Variants in PXYLP1 observed in about 807,000 individuals in gnomAD.
PXYLP1 encodes the protein acid phosphatase-like 2.
A neutral mutation model predicts 37.9 loss-of-function variants in PXYLP1; 17 were observed. That is an observed-to-expected ratio of 0.45 (90% CI 0.31 to 0.67). The LOEUF (loss-of-function observed/expected upper bound fraction) is 0.67. PXYLP1 is among the 30% of genes least tolerant of loss of function. The probability of loss-of-function intolerance (pLI) is 0.07; values close to 1 mark genes in which losing one functional copy is unlikely to be tolerated. For missense variants in PXYLP1, 511 were observed against 612.0 expected, an observed-to-expected ratio of 0.84 and a Z score of 1.74; for synonymous variants, 221 against 232.2, an observed-to-expected ratio of 0.95 and a Z score of 0.44.
chr3:141,269,141 A>G (rs1171064034), intron 2 of PXYLP1, among the ~76,000 whole-genome samples: 1 of 152,188 alleles, frequency 6.6e-6, no homozygotes, highest in African/African-American at 2.4e-5. Context: ...TTGAGCCTTT[A>G]CACAGAAGGC....
At chr3:141,261,607 C>T (rs116814086) in intron 2 of PXYLP1, among the ~76,000 whole-genome samples, 3 of 152,254 alleles carry the variant, frequency 2.0e-5, no homozygotes, top group Non-Finnish European at 1.5e-5. Context: ...GTATTACAGG[C>T]GTGAGCCACC....
Position 141,273,259 on chromosome 3 carries a change from C to T in PXYLP1, c.80-5083C>T, listed in dbSNP as rs958190516. 3 of 985,336 alleles carry T rather than the reference C, an allele frequency of 3.0e-6. No individual in the cohort carries two copies. In the East Asian group the frequency reaches 3.4e-4, roughly 112 times the overall value. 61.0% of individuals were successfully genotyped at this position (985,336 alleles called of 1,614,324 possible). ...CATACATGTTGGATGGCCAGATGGACAAATGCATAAATACCGAGCTTAGTG... is the reference window on the plus strand; with the variant it reads ...CATACATGTTGGATGGCCAGATGGATAAATGCATAAATACCGAGCTTAGTG... On this transcript the variant is annotated intron_variant, in intron 2 of 5. Coordinates refer to ENST00000286353, the MANE Select transcript of PXYLP1 (RefSeq NM_001037172.3).
chr3:141,264,212 A>G (rs1443988255), intron 2 of PXYLP1, among the ~76,000 whole-genome samples: 3 of 152,184 alleles, frequency 2.0e-5, no homozygotes, highest in Non-Finnish European at 4.4e-5. Context: ...TGCAAAAATG[A>G]GAGTGAGGGT....
chr3:141,253,350 C>T (rs562727098), intron 1 of PXYLP1, among the ~76,000 whole-genome samples: 42 of 152,324 alleles, frequency 2.8e-4, no homozygotes, highest in African/African-American at 9.9e-4. Context: ...AGCTGGCTTT[C>T]CCTAGGCACA....
chr3:141,262,854 G>T, intron 2 of PXYLP1: 2 of 630,034 alleles, frequency 3.2e-6, no homozygotes, highest in Non-Finnish European at 5.4e-6. Flanking sequence ...CACAGGTTTC[G>T]CTTATATACC....
intron 1 of PXYLP1, among the ~76,000 whole-genome samples, chr3:141,254,351 A>AGTGCC (rs1222593825): frequency 1.3e-5 from 2 of 152,236 alleles, no homozygotes; most frequent in Non-Finnish European, 2.9e-5. Flanking sequence ...CACTTAGAAT[A>AGTGCC]GTGCCTGGCA....
intron 1 of PXYLP1, among the ~76,000 whole-genome samples, chr3:141,246,139 T>A (rs1312266935): frequency 6.6e-6 from 1 of 152,176 alleles, no homozygotes; most frequent in African/African-American, 2.4e-5. Flanking sequence ...GGGGGTAGGC[T>A]AGCAGTTAGA....
At chr3:141,238,228 A>G (rs1940705877) in intron 1 of PXYLP1, among the ~76,000 whole-genome samples, 1 of 152,230 alleles carries the variant, frequency 6.6e-6, no homozygotes, top group Non-Finnish European at 1.5e-5. Context: ...TGACCCAAAG[A>G]AACTATGTTG....
At chr3:141,288,509 G>A (rs573171857) in intron 5 of PXYLP1, among the ~76,000 whole-genome samples, 32 of 152,294 alleles carry the variant, frequency 2.1e-4, no homozygotes, top group African/African-American at 7.7e-4. Flanking sequence ...TTTAGAACGA[G>A]GGTTTTCATC....
chr3:141,260,641 C>T lies in PXYLP1; in HGVS notation c.79+387C>T, dbSNP rs368009107. Among the ~76,000 whole-genome samples, 26 of 152,254 alleles carry T rather than the reference C, an allele frequency of 1.7e-4. No homozygotes were observed. The East Asian group carries it at 2.1e-3, about 12-fold the overall frequency. On this transcript the variant is annotated intron_variant, in intron 2 of 5. Coordinates refer to ENST00000286353, the MANE Select transcript of PXYLP1 (RefSeq NM_001037172.3). ...GTCAGCCGCGGGGCTGGAGTTGTTT[C>T]GGGGAGGGTGGGGAGATTAGGTCAC...
intron 1 of PXYLP1, 71 bp from the exon 2 acceptor site, chr3:141,260,052 G>A (rs1475137533): frequency 9.3e-7 from 1 of 1,073,162 alleles, no homozygotes; most frequent in African/African-American, 1.6e-5. Context: ...TGACAAGTTT[G>A]GTTATTTTCA....
At chr3:141,288,299 A>G (rs1049924054) in intron 5 of PXYLP1, among the ~76,000 whole-genome samples, 10 of 152,232 alleles carry the variant, frequency 6.6e-5, no homozygotes, top group African/African-American at 2.4e-4. Flanking sequence ...TTCTGTCTTC[A>G]TCTTGCATCA....
chr3:141,276,932 G>A (rs1941808919), intron 2 of PXYLP1, among the ~76,000 whole-genome samples: 1 of 152,204 alleles, frequency 6.6e-6, no homozygotes, highest in Non-Finnish European at 1.5e-5. Context: ...GTATCACACT[G>A]TTGTTTTATC....
intron 2 of PXYLP1, chr3:141,274,665 A>G: frequency 1.4e-6 from 1 of 717,024 alleles, no homozygotes; most frequent in South Asian, 1.5e-5. Context: ...AGCGGGGGAT[A>G]TAAATGTGAA....
rs1942229401 is a variant in PXYLP1 at position 141,292,154 on chromosome 3, G to A, written c.506-114G>A. ...CTTCCACACCATGGGGAAACAGGCTGGATGCCATTCTCTTGCCCTAAAACA... is the reference window on the plus strand; with the variant it reads ...CTTCCACACCATGGGGAAACAGGCTAGATGCCATTCTCTTGCCCTAAAACA... On this transcript the variant is annotated intron_variant, in intron 5 of 5. Coordinates refer to ENST00000286353, the MANE Select transcript of PXYLP1 (RefSeq NM_001037172.3). The surrounding 1 kb of genome is among the most constrained non-coding windows in gnomAD (Gnocchi z 4.3). 1 of 978,612 alleles carries A rather than the reference G, an allele frequency of 1.0e-6. No individual in the cohort carries two copies. The allele number at this position is 978,612 out of a possible 1,614,324, so 60.6% of individuals were successfully genotyped here. A position where few individuals can be genotyped will look rare whatever the true frequency, so the allele number is the denominator to read the frequency against.
chr3:141,287,345 A>T lies in PXYLP1; in HGVS notation c.397A>T (p.Ile133Phe), dbSNP rs559589503. 1 of 1,614,202 alleles carries T rather than the reference A, an allele frequency of 6.2e-7. No homozygotes were observed. Among genetic ancestry groups the T allele is most frequent in the South Asian group, 1.1e-5 (1 of 91,084 alleles). ...KPYHPKLEAF[I>F]SHMSKGSGAS... Reference sequence around the variant, plus strand: ...GTATCACCCAAAACTGGAAGCTTTCATTAGTCACATGTCAAAAGGATCCGG... The same window carrying T: ...GTATCACCCAAAACTGGAAGCTTTCTTTAGTCACATGTCAAAAGGATCCGG... The change falls in exon 5 of 6, where the codon ATT becomes TTT. Residue 133 changes from isoleucine (I) to phenylalanine (F), a missense_variant. Coordinates refer to ENST00000286353, the MANE Select transcript of PXYLP1 (RefSeq NM_001037172.3).
chr3:141,269,014 T>G (rs1419849960), intron 2 of PXYLP1, among the ~76,000 whole-genome samples: 1 of 152,052 alleles, frequency 6.6e-6, no homozygotes, highest in Non-Finnish European at 1.5e-5. Context: ...TACCAGAGGG[T>G]GGGGCAGCTC....
intron 1 of PXYLP1, among the ~76,000 whole-genome samples, chr3:141,241,596 G>A (rs979618115): frequency 1.3e-5 from 2 of 152,210 alleles, no homozygotes; most frequent in African/African-American, 4.8e-5. Context: ...CCAAGAGAGT[G>A]GAATGGGCAC....
intron 1 of PXYLP1, among the ~76,000 whole-genome samples, chr3:141,251,099 G>A (rs959865894): frequency 1.6e-4 from 24 of 152,346 alleles, no homozygotes; most frequent in African/African-American, 4.8e-4. Context: ...GAGTACCAGC[G>A]TTCTGCTAAC....
Sources: allele counts gnomAD v4.1 joint callset (sites outside exome capture counted in the v4.1 genomes callset), GRCh38; gene constraint gnomAD v4.1.1; non-coding constraint Gnocchi (gnomAD v3.1); transcripts MANE v1.5; gene names NCBI Gene and HGNC (gene_info 2026-07-23, HGNC 2026-07-21).